The following KCNQ3 variants were observed in gnomAD, a reference collection of about 807,000 sequenced individuals.
KCNQ3 encodes the protein potassium voltage-gated channel subfamily KQT member 3.
In KCNQ3, 30 loss-of-function variants were observed where a neutral mutation model predicts 92.5. The ratio of observed to expected loss-of-function variants is 0.32; its 90% CI spans 0.24 to 0.44. The LOEUF (loss-of-function observed/expected upper bound fraction) is 0.44. KCNQ3 is among the 20% of genes least tolerant of loss of function. The probability of loss-of-function intolerance (pLI) is 1.00; values close to 1 mark genes in which losing one functional copy is unlikely to be tolerated. For synonymous variants in KCNQ3, 450 were observed against 468.8 expected (o/e 0.96, Z 0.52); for missense variants, 913 against 1,140.3 (o/e 0.80, Z 2.87).
intron 1 of KCNQ3, among the ~76,000 whole-genome samples, chr8:132,378,263 T>C (rs1819661977): frequency 6.6e-6 from 1 of 151,900 alleles, no homozygotes; most frequent in South Asian, 2.1e-4. Flanking sequence ...GCAAGGTGGG[T>C]TTGCCTGTAG....
chr8:132,243,306 T>A (rs1815053656), intron 1 of KCNQ3, among the ~76,000 whole-genome samples: 1 of 152,182 alleles, frequency 6.6e-6, no homozygotes, highest in Non-Finnish European at 1.5e-5. Flanking sequence ...CTGATGAGTC[T>A]CTAGTCTCAC....
intron 4 of KCNQ3, 80 bp downstream of exon 4, chr8:132,180,077 C>G: frequency 6.7e-7 from 1 of 1,484,356 alleles, no homozygotes; most frequent in Non-Finnish European, 9.4e-7. Flanking sequence ...TCTGGGGACA[C>G]TGCAAAGGAA....
At chr8:132,279,556 G>A (rs376419344) in intron 1 of KCNQ3, among the ~76,000 whole-genome samples, 3 of 152,144 alleles carry the variant, frequency 2.0e-5, no homozygotes, top group Admixed American at 6.5e-5. Context: ...TGCAGGTTGA[G>A]GATCACTGGT....
chr8:132,129,788 C>A lies in KCNQ3; in HGVS notation c.2093G>T (p.Ser698Ile). 6.2e-7 allele frequency: 1 copy of A among 1,614,172 alleles called. No homozygotes were observed. Among genetic ancestry groups the A allele is most frequent in the East Asian group, 2.2e-5 (1 of 44,866 alleles). ...TTTGTCAATGGTCACCTGGTGGAAG[C>A]TGTAGGGTGGTTCCGGGGGGCCTGT... ...SETGPPEPPY[S>I]FHQVTIDKVS... is the part of the protein sequence containing the mutation. The change falls in exon 15 of 15, where the codon AGC (serine) becomes ATC (isoleucine). Residue 698 changes from serine to isoleucine, a missense_variant. Transcript: ENST00000388996. This position sits in a 1 kb window ranked among gnomAD's most constrained non-coding sequence, Gnocchi z 5.9.
intron 1 of KCNQ3, among the ~76,000 whole-genome samples, chr8:132,339,670 GGA>G (rs961908829): frequency 6.6e-6 from 1 of 152,116 alleles, no homozygotes; most frequent in Non-Finnish European, 1.5e-5. Context: ...GATCTCACCT[GGA>G]GAGGGCTTAT....
intron 1 of KCNQ3, among the ~76,000 whole-genome samples, chr8:132,370,150 G>A (rs1819434942): frequency 6.6e-6 from 1 of 152,156 alleles, no homozygotes. Context: ...AGTTTGTCAA[G>A]TTCAAAGAGG....
At chr8:132,412,685 C>T (rs574622619) in intron 1 of KCNQ3, among the ~76,000 whole-genome samples, 1 of 152,240 alleles carries the variant, frequency 6.6e-6, no homozygotes, top group Admixed American at 6.5e-5. Context: ...ATGATGATGG[C>T]CCTGTGGGGA....
chr8:132,197,510 A>C (rs189291907), intron 1 of KCNQ3, among the ~76,000 whole-genome samples: 1 of 152,298 alleles, frequency 6.6e-6, no homozygotes, highest in Non-Finnish European at 1.5e-5. Context: ...TTAGCTAGGA[A>C]CTTCCAGGTC....
intron 9 of KCNQ3, among the ~76,000 whole-genome samples, chr8:132,161,437 T>C (rs1825985373): frequency 6.6e-6 from 1 of 152,084 alleles, no homozygotes. Flanking sequence ...GAGACTAGCT[T>C]GGCCAACATG....
At chr8:132,219,867 C>T (rs1164756698) in intron 1 of KCNQ3, among the ~76,000 whole-genome samples, 1 of 151,936 alleles carries the variant, frequency 6.6e-6, no homozygotes, top group Non-Finnish European at 1.5e-5. Context: ...AGTAAGAATC[C>T]ATCTGATCAA....
chr8:132,136,146 A>AAAAAAG (rs1563765951), intron 12 of KCNQ3, among the ~76,000 whole-genome samples: 3 of 137,008 alleles, frequency 2.2e-5, no homozygotes, highest in Non-Finnish European at 4.9e-5. Flanking sequence ...AAAAAAAAAA[A>AAAAAAG]GAAAAGAGAA....
At chr8:132,168,605 A>G (rs1309207668) in intron 8 of KCNQ3, among the ~76,000 whole-genome samples, 4 of 151,888 alleles carry the variant, frequency 2.6e-5, no homozygotes, top group African/African-American at 7.3e-5. Flanking sequence ...GACTTTCTTT[A>G]CTTTGTCATG....
At chr8:132,314,144 C>T (rs963267971) in intron 1 of KCNQ3, among the ~76,000 whole-genome samples, 4 of 152,260 alleles carry the variant, frequency 2.6e-5, no homozygotes, top group Admixed American at 1.3e-4. Flanking sequence ...ACTAGTAAGA[C>T]AAGGCTGTGA....
At chr8:132,451,583 T>C (rs1202278327) in intron 1 of KCNQ3, among the ~76,000 whole-genome samples, 1 of 152,200 alleles carries the variant, frequency 6.6e-6, no homozygotes. Context: ...AGGATGCAGA[T>C]GTACAAAGTG....
chr8:132,398,752 G>A (rs1165301421), intron 1 of KCNQ3, among the ~76,000 whole-genome samples: 1 of 152,180 alleles, frequency 6.6e-6, no homozygotes, highest in African/African-American at 2.4e-5. Context: ...AGAGGGAATG[G>A]GCAGATGAGC....
intron 1 of KCNQ3, among the ~76,000 whole-genome samples, chr8:132,364,801 ATTAC>A (rs1819273719): frequency 6.6e-6 from 1 of 152,108 alleles, no homozygotes; most frequent in Non-Finnish European, 1.5e-5. Flanking sequence ...TGCAAATACT[ATTAC>A]TTATACTACT....
At chr8:132,254,329 G>A (rs1004381257) in intron 1 of KCNQ3, among the ~76,000 whole-genome samples, 1 of 152,126 alleles carries the variant, frequency 6.6e-6, no homozygotes, top group Non-Finnish European at 1.5e-5. Context: ...AATTACAGGG[G>A]ACTTTAAGAA....
At chr8:132,361,474 T>G (rs1252154657) in intron 1 of KCNQ3, among the ~76,000 whole-genome samples, 3 of 152,224 alleles carry the variant, frequency 2.0e-5, no homozygotes, top group African/African-American at 4.8e-5. Flanking sequence ...AGTGAGGACT[T>G]GCGGTTCATT....
chr8:132,466,060 G>C (rs1822165285), intron 1 of KCNQ3, among the ~76,000 whole-genome samples: 1 of 152,046 alleles, frequency 6.6e-6, no homozygotes, highest in Non-Finnish European at 1.5e-5. Context: ...GATAATGCAG[G>C]CAGTGACCAG....
Sources: allele counts gnomAD v4.1 joint callset (sites outside exome capture counted in the v4.1 genomes callset), GRCh38; gene constraint gnomAD v4.1.1; non-coding constraint Gnocchi (gnomAD v3.1); transcripts MANE v1.5; gene names NCBI Gene and HGNC (gene_info 2026-07-23, HGNC 2026-07-21).